The following GRB7 variants were observed in gnomAD, a reference collection of about 807,000 sequenced individuals.
GRB7 encodes growth factor receptor bound protein 7.
A neutral mutation model predicts 64.1 loss-of-function variants in GRB7; 47 were observed. The observed-to-expected ratio is 0.73, with a 90% CI of 0.58 to 0.94. The LOEUF is 0.94. Among genes scored for constraint, GRB7 ranks in the 40% least tolerant of loss-of-function variants. The pLI, the probability that GRB7 is intolerant of heterozygous loss-of-function variation, is 0.00. For missense variants in GRB7, 634 were observed against 718.4 expected, an observed-to-expected ratio of 0.88 and a Z score of 1.34; for synonymous variants, 277 against 279.9, an observed-to-expected ratio of 0.99 and a Z score of 0.10.
In GRB7 at chr17:39,747,038, C is replaced by A; in HGVS notation, c.*141C>A. ...TCCGCCACTCCAGTTTTCTCCTCTGCTTCTTTGCCTCCCTCAGATAGAAAA... is the reference window on the plus strand; with the variant it reads ...TCCGCCACTCCAGTTTTCTCCTCTGATTCTTTGCCTCCCTCAGATAGAAAA... On this transcript the variant is annotated 3_prime_UTR_variant, in exon 15 of 15. Coordinates refer to ENST00000309156, the MANE Select transcript of GRB7 (RefSeq NM_005310.5). 1 of 861,252 alleles carries A rather than the reference C, an allele frequency of 1.2e-6. No homozygotes were observed. Among genetic ancestry groups the A allele is most frequent in the Non-Finnish European group, 1.7e-6 (1 of 572,662 alleles). 53.4% of individuals were successfully genotyped at this position (861,252 alleles called of 1,614,324 possible).
In GRB7 at chr17:39,745,289, A is replaced by G; in HGVS notation, c.1058A>G (p.His353Arg). 1 of 1,612,676 alleles carries G rather than the reference A, an allele frequency of 6.2e-7. No individual in the cohort carries two copies. The highest frequency in any genetic ancestry group is 8.5e-7 in the Non-Finnish European group (1 of 1,179,186). ...YKNYQQAQSR[H>R]LHPSCLGSPP... is the part of the protein sequence containing the mutation. Reference sequence around the variant, plus strand: ...AATTACCAGCAGGCACAGTCTCGCCATCTGCATCCATCTTGTTTGGGCTCC... The same window carrying G: ...AATTACCAGCAGGCACAGTCTCGCCGTCTGCATCCATCTTGTTTGGGCTCC... Residue 353 changes from histidine to arginine, a missense_variant, in exon 10 of 15, where the codon CAT becomes CGT. Around this residue, in one of 2 missense-constraint regions of GRB7, gnomAD observed 467 missense variants for 576.6 expected, o/e 0.81. Transcript: ENST00000309156.
In GRB7 at chr17:39,743,066, G is replaced by A. The variant is rs1294091150; in HGVS notation, c.463+12G>A. On this transcript the variant is annotated intron_variant, in intron 4 of 14. Coordinates refer to ENST00000309156, the MANE Select transcript of GRB7 (RefSeq NM_005310.5). ...CCACCTAGCACTGGGTAAGTCAGGT[G>A]CATGGAACTATCCGGGCTGGGAGAT... 3 of 1,599,730 alleles carry A rather than the reference G, an allele frequency of 1.9e-6. No homozygotes were observed. The highest frequency in any genetic ancestry group is 3.4e-5 in the Admixed American group (2 of 59,332).
rs1332930822 is a variant in GRB7, at chr17:39,743,373, T to C, written c.586-20T>C. ...ACCTGGATGCTGGAGCCCTGATCCC[T>C]GACACTTGTCTACCCACAGCACTCC... On this transcript the variant is annotated intron_variant, in intron 5 of 14. Coordinates refer to ENST00000309156, the MANE Select transcript of GRB7 (RefSeq NM_005310.5). 1.2e-6 allele frequency: 2 copies of C among 1,614,008 alleles called. No individual in the cohort carries two copies. Among genetic ancestry groups the C allele is most frequent in the East Asian group, 2.2e-5 (1 of 44,894 alleles).
rs1303331194 is a variant in GRB7, at chr17:39,745,445, G to C, written c.1116G>C (p.Leu372=). 1 of 1,613,958 alleles carries C rather than the reference G, an allele frequency of 6.2e-7. No homozygotes were observed. Among genetic ancestry groups the C allele is most frequent in the East Asian group, 2.2e-5 (1 of 44,874 alleles). Residue 372 remains leucine (L), a synonymous_variant, in exon 11 of 15, where the codon CTG becomes CTC. Coordinates refer to ENST00000309156, the MANE Select transcript of GRB7 (RefSeq NM_005310.5). ...AGAGAAGTGCCTCAGATAATACCCT[G>C]GTGGCCATGGACTTCTCTGGCCATG... ...PPLRSASDNT[L]VAMDFSGHAG...
chr17:39,743,169 C>T lies in GRB7; in HGVS notation c.464-11C>T, dbSNP rs1376769046. ...TCTCCAATAACCCCTGCTTTTTGCC[C>T]TTGTCCCCAGAGCGGGGTTTGGAGG... On this transcript the variant is annotated splice_polypyrimidine_tract_variant and intron_variant, in intron 4 of 14. Coordinates refer to ENST00000309156, the MANE Select transcript of GRB7 (RefSeq NM_005310.5). 1 of 1,612,128 alleles carries T rather than the reference C, an allele frequency of 6.2e-7. No individual in the cohort carries two copies. Among genetic ancestry groups the T allele is most frequent in the Admixed American group, 1.7e-5 (1 of 59,314 alleles).
Position 39,745,554 on chromosome 17 carries a change from T to G in GRB7, c.1209+16T>G. 6.2e-7 allele frequency: 1 copy of G among 1,601,326 alleles called. No homozygotes were observed. The highest frequency in any genetic ancestry group is 2.2e-5 in the East Asian group (1 of 44,812). On this transcript the variant is annotated intron_variant, in intron 11 of 14. Transcript: ENST00000309156. ...GGCCTGGAGGGTGAGGCCTGCTGTG[T>G]GTGTGTGTGTTTGTGCTGGGGACCC...
At position 39,743,055 on chromosome 17, in the gene GRB7, G is replaced by GT; in HGVS notation, c.463+2dup. 1 of 1,602,584 alleles carries GT rather than the reference G, an allele frequency of 6.2e-7. No individual in the cohort carries two copies. Among genetic ancestry groups the GT allele is most frequent in the Non-Finnish European group, 8.5e-7 (1 of 1,173,046 alleles). ...GAGTGCCACCCCCACCTAGCACTGG[G>GT]TAAGTCAGGTGCATGGAACTATCCG... is the stretch of plus-strand genomic sequence containing the variant. On this transcript the variant is annotated splice_donor_variant, in intron 4 of 14. Transcript: ENST00000309156. LOFTEE classifies it high-confidence loss of function.
At position 39,743,242 on chromosome 17, in the gene GRB7, G is replaced by A. The variant is rs756587023; in HGVS notation, c.526G>A (p.Asp176Asn). ...EVQAAWPVGGDSRFVFRKNFA... is the reference protein window; with the variant it reads ...EVQAAWPVGGNSRFVFRKNFA... ...GCAGGCTGCCTGGCCCGTGGGCGGA[G>A]ATAGCCGCTTCGTCTTCCGGAAAAA... Residue 176 changes from aspartate (D) to asparagine (N), a missense_variant, in exon 5 of 15, where the codon GAT becomes AAT. By Grantham distance (23) the Asp-to-Asn change is conservative. Transcript: ENST00000309156. The A allele has an allele frequency of 1.2e-6, 2 of 1,614,180 alleles. No individual in the cohort carries two copies. Among genetic ancestry groups the A allele is most frequent in the South Asian group, 1.1e-5 (1 of 91,088 alleles).
chr17:39,744,884 A>G lies in GRB7; in HGVS notation c.913-2A>G. 6.2e-7 allele frequency: 1 copy of G among 1,613,284 alleles called. No homozygotes were observed. Among genetic ancestry groups the G allele is most frequent in the South Asian group, 1.1e-5 (1 of 91,072 alleles). On this transcript the variant is annotated splice_acceptor_variant, in intron 8 of 14. Transcript: ENST00000309156. LOFTEE classifies it high-confidence loss of function. ...GGACCAGTCAATTTCCTCTCTCTGC[A>G]GCCCAACAAGCTTCGAAATGGCCAC...
In GRB7 at chr17:39,742,325, T is replaced by G. The variant is rs770287452; in HGVS notation, c.24T>G (p.Pro8=). Residue 8 remains proline (P), a synonymous_variant, in exon 2 of 15, where the codon CCT becomes CCG. Coordinates refer to ENST00000309156, the MANE Select transcript of GRB7 (RefSeq NM_005310.5). MELDLSP[P]HLSSSPEDLC... is the part of the protein sequence containing the mutation. ...CCATGGAGCTGGATCTGTCTCCACCTCATCTTAGCAGCTCTCCGGAAGACC... is the reference window on the plus strand; with the variant it reads ...CCATGGAGCTGGATCTGTCTCCACCGCATCTTAGCAGCTCTCCGGAAGACC... 2 of 1,613,930 alleles carry G rather than the reference T, an allele frequency of 1.2e-6. No homozygotes were observed. The highest frequency in any genetic ancestry group is 8.5e-7 in the Non-Finnish European group (1 of 1,179,962).
chr17:39,739,034 G>A, intron 1 of GRB7: 1 of 988,860 alleles, frequency 1.0e-6, no homozygotes, highest in Non-Finnish European at 1.4e-6. Flanking sequence ...GTGGGGGATA[G>A]CAGATGGTTT....
intron 8 of GRB7, 71 bp from the exon 9 acceptor site, chr17:39,744,815 C>T: frequency 2.1e-6 from 3 of 1,403,982 alleles, no homozygotes; most frequent in South Asian, 1.2e-5. Context: ...TTCAGCTCTG[C>T]TATGTGGAGC....
rs754669801 is a variant in GRB7, at chr17:39,742,907, G to A, written c.316G>A (p.Val106Met). The change falls in exon 4 of 15, where the codon GTG becomes ATG. Residue 106 changes from valine to methionine, a missense_variant. Val to Met is a conservative substitution (Grantham distance 21). Transcript: ENST00000309156. ...AATTCCTGGGGCGCAGGTAGTAAAG[G>A]TGTACAGTGAGGATGGGGCCTGCAG... ...RDASRPHVVK[V>M]YSEDGACRSV... The A allele has an allele frequency of 3.8e-6, 6 of 1,598,406 alleles. No homozygotes were observed. The highest frequency in any genetic ancestry group is 4.3e-6 in the Non-Finnish European group (5 of 1,171,756).
chr17:39,746,739 A>G lies in GRB7; in HGVS notation c.1453-12A>G. 6.2e-7 allele frequency: 1 copy of G among 1,613,246 alleles called. No homozygotes were observed. ...CCCTCCCTGAACTTCCACCCCCTTT[A>G]CTGTACCCCAGAGCGAGGAGGAGGG... is the stretch of plus-strand genomic sequence containing the variant. On this transcript the variant is annotated splice_polypyrimidine_tract_variant and intron_variant, in intron 14 of 14. Transcript: ENST00000309156.
chr17:39,745,221 C>G, intron 9 of GRB7, 22 bp from the exon 10 acceptor site: 3 of 1,571,240 alleles, frequency 1.9e-6, no homozygotes, highest in Non-Finnish European at 2.6e-6. Flanking sequence ...ACCTCAAGCT[C>G]TCTTTCTCTC....
rs556625959 is a variant in GRB7 at position 39,744,003 on chromosome 17, A to G, written c.664-67A>G. On this transcript the variant is annotated intron_variant, in intron 6 of 14. Transcript: ENST00000309156. ...CAAAAAGAAAAAGAAAAAGAGAAAC[A>G]TCCTGGTGGTAGAGGGGAAGGGAGG... 4.4e-6 allele frequency: 7 copies of G among 1,579,340 alleles called. No individual in the cohort carries two copies. The East Asian group carries it at 1.6e-4, about 35-fold the overall frequency.
At chr17:39,744,822 G>A in intron 8 of GRB7, 64 bp from the exon 9 acceptor site, 3 of 1,429,862 alleles carry the variant, frequency 2.1e-6, no homozygotes, top group Non-Finnish European at 3.0e-6. Flanking sequence ...CTGCTATGTG[G>A]AGCAGGGGCA....
chr17:39,740,154 G>A (rs2059983002), intron 1 of GRB7: 2 of 985,386 alleles, frequency 2.0e-6, no homozygotes, highest in Non-Finnish European at 2.4e-6. Flanking sequence ...AGTCACTGGG[G>A]CTGTTTGGAG....
In GRB7 at chr17:39,744,985, G is replaced by C; in HGVS notation, c.1011+1G>C. ...GCTGGCTGCCTTCCGCCTCTTCAAG[G>C]TGAGACCCTGGGAGTGGCATGGGGG... is the stretch of plus-strand genomic sequence containing the variant. On this transcript the variant is annotated splice_donor_variant, in intron 9 of 14. Transcript: ENST00000309156. LOFTEE classifies it high-confidence loss of function. 1 of 1,611,998 alleles carries C rather than the reference G, an allele frequency of 6.2e-7. No homozygotes were observed. The highest frequency in any genetic ancestry group is 8.5e-7 in the Non-Finnish European group (1 of 1,178,494).
Sources: gnomAD v4.1 joint callset for allele counts on GRCh38, gnomAD v4.1.1 for gene constraint, gnomAD v4.1.1 regional missense constraint, MANE v1.5 for transcripts, NCBI Gene and HGNC (gene_info 2026-07-23, HGNC 2026-07-21) for gene names.